Variants in CHCHD3 observed in about 807,000 individuals in gnomAD.
CHCHD3 encodes coiled-coil-helix-coiled-coil-helix domain containing 3.
In CHCHD3, 20 loss-of-function variants were observed where a neutral mutation model predicts 38.2. The ratio of observed to expected loss-of-function variants is 0.52; its 90% CI spans 0.37 to 0.76. The LOEUF (loss-of-function observed/expected upper bound fraction) is 0.76. Ranked by LOEUF, CHCHD3 falls within the 30% of genes least tolerant of loss-of-function variation. The pLI, the probability that CHCHD3 is intolerant of heterozygous loss-of-function variation, is 0.00. For missense variants in CHCHD3, 245 were observed against 279.2 expected, an observed-to-expected ratio of 0.88 and a Z score of 0.87; for synonymous variants, 82 against 100.0, an observed-to-expected ratio of 0.82 and a Z score of 1.07.
At chr7:132,794,833 C>T (rs935799216) in intron 7 of CHCHD3, among the ~76,000 whole-genome samples, 1 of 152,088 alleles carries the variant, frequency 6.6e-6, no homozygotes, top group Non-Finnish European at 1.5e-5. Flanking sequence ...ACAACATTAC[C>T]CCAATTTACA....
At chr7:132,955,351 T>A (rs148277372) in intron 4 of CHCHD3, among the ~76,000 whole-genome samples, 1 of 152,242 alleles carries the variant, frequency 6.6e-6, no homozygotes, top group East Asian at 1.9e-4. Context: ...ATTACGAACA[T>A]GATTGCCTAG....
chr7:132,987,569 G>T (rs10269489), intron 3 of CHCHD3, among the ~76,000 whole-genome samples: 1 of 151,948 alleles, frequency 6.6e-6, no homozygotes, highest in Non-Finnish European at 1.5e-5. Context: ...AGCGCCAGAC[G>T]ATGAGAAGAT....
intron 4 of CHCHD3, among the ~76,000 whole-genome samples, chr7:132,946,402 G>C (rs1301977096): frequency 6.6e-6 from 1 of 151,836 alleles, no homozygotes; most frequent in Non-Finnish European, 1.5e-5. Context: ...TAAACTACTA[G>C]GGCAGGAACA....
chr7:132,890,456 G>A (rs932964039), intron 4 of CHCHD3, among the ~76,000 whole-genome samples: 2 of 152,142 alleles, frequency 1.3e-5, no homozygotes, highest in East Asian at 3.8e-4. Flanking sequence ...AGCCCTGGTT[G>A]CTCCTGGGGA....
chr7:132,926,232 C>A (rs2117246417), intron 4 of CHCHD3, among the ~76,000 whole-genome samples: 1 of 152,212 alleles, frequency 6.6e-6, no homozygotes, highest in South Asian at 2.1e-4. Flanking sequence ...GTTTGGAATC[C>A]CAACTTATAA....
At chr7:132,940,200 T>C (rs1313134273) in intron 4 of CHCHD3, among the ~76,000 whole-genome samples, 1 of 152,192 alleles carries the variant, frequency 6.6e-6, no homozygotes, top group East Asian at 1.9e-4. Flanking sequence ...CATGAGGCAA[T>C]GCTTATAGTG....
intron 3 of CHCHD3, among the ~76,000 whole-genome samples, chr7:133,005,414 T>C (rs892879918): frequency 1.3e-5 from 2 of 152,204 alleles, no homozygotes; most frequent in African/African-American, 4.8e-5. Flanking sequence ...AACAACCATA[T>C]TTACTTATTT....
intron 6 of CHCHD3, among the ~76,000 whole-genome samples, chr7:132,811,704 C>A (rs1003864123): frequency 6.6e-6 from 1 of 152,180 alleles, no homozygotes; most frequent in Non-Finnish European, 1.5e-5. Flanking sequence ...CAGTAAATTG[C>A]CCCTTTCTTG....
At chr7:132,864,599 T>A (rs940829837) in intron 5 of CHCHD3, among the ~76,000 whole-genome samples, 4 of 152,114 alleles carry the variant, frequency 2.6e-5, no homozygotes, top group East Asian at 1.9e-4. Context: ...TGTATTTTTT[T>A]AAAAAGGCAA....
intron 6 of CHCHD3, among the ~76,000 whole-genome samples, chr7:132,811,423 G>A (rs991980524): frequency 1.3e-5 from 2 of 152,246 alleles, no homozygotes; most frequent in African/African-American, 4.8e-5. Context: ...CAAAGGAAAT[G>A]CATGTTAAAT....
At chr7:132,787,500 G>A (rs1806348661) in intron 7 of CHCHD3, among the ~76,000 whole-genome samples, 2 of 152,138 alleles carry the variant, frequency 1.3e-5, no homozygotes, top group African/African-American at 4.8e-5. Flanking sequence ...AGGGAAGTCA[G>A]TGGGAGCCTG....
intron 4 of CHCHD3, among the ~76,000 whole-genome samples, chr7:132,912,831 AG>A (rs1321176153): frequency 2.0e-5 from 3 of 152,256 alleles, no homozygotes; most frequent in African/African-American, 7.2e-5. Context: ...CTGGGATTAC[AG>A]GCATGAGCCA....
intron 6 of CHCHD3, among the ~76,000 whole-genome samples, chr7:132,818,402 T>C (rs1398466523): frequency 1.3e-5 from 2 of 152,224 alleles, no homozygotes; most frequent in Non-Finnish European, 2.9e-5. Context: ...GAAAAAGGAA[T>C]GGTTCTCTTA....
intron 4 of CHCHD3, among the ~76,000 whole-genome samples, chr7:132,887,708 C>T (rs1331390852): frequency 6.6e-6 from 1 of 151,170 alleles, no homozygotes; most frequent in Non-Finnish European, 1.5e-5. Flanking sequence ...AAAACCCAAC[C>T]CCACATCAAA....
intron 2 of CHCHD3, among the ~76,000 whole-genome samples, chr7:133,045,346 A>T (rs1435319561): frequency 6.6e-6 from 1 of 152,160 alleles, no homozygotes; most frequent in African/African-American, 2.4e-5. Context: ...GAGACATGCC[A>T]TTTCAGTGCA....
At chr7:132,957,976 T>C (rs1811224071) in intron 4 of CHCHD3, among the ~76,000 whole-genome samples, 3 of 152,192 alleles carry the variant, frequency 2.0e-5, no homozygotes, top group Admixed American at 2.0e-4. Context: ...AATCAACCAA[T>C]GGGCCAAATT....
intron 2 of CHCHD3, chr7:133,036,038 G>A: frequency 6.7e-6 from 5 of 751,630 alleles, no homozygotes; most frequent in Non-Finnish European, 1.2e-5. Flanking sequence ...TCCATAAATA[G>A]TAACATCCAA....
At chr7:132,881,291 G>C (rs2117167524) in intron 5 of CHCHD3, among the ~76,000 whole-genome samples, 1 of 152,214 alleles carries the variant, frequency 6.6e-6, no homozygotes, top group East Asian at 1.9e-4. Context: ...TCACACATGG[G>C]AATTATCTAA....
chr7:133,057,820 A>G (rs115070463), intron 2 of CHCHD3, among the ~76,000 whole-genome samples: 1,564 of 152,222 alleles, frequency 0.01, 30 homozygotes, highest in African/African-American at 0.036. Context: ...TTTTCATTAT[A>G]CACATACATA....
Sources: allele counts gnomAD v4.1 joint callset (sites outside exome capture counted in the v4.1 genomes callset), GRCh38; gene constraint gnomAD v4.1.1; transcripts MANE v1.5; gene names NCBI Gene and HGNC (gene_info 2026-07-23, HGNC 2026-07-21).